The following TTLL6 variants were observed in gnomAD, a reference collection of about 807,000 sequenced individuals.
TTLL6 encodes tubulin polyglutamylase TTLL6.
Under a neutral mutation model 96.4 loss-of-function variants are expected in TTLL6, and 75 were observed. That is an observed-to-expected ratio of 0.78 (90% CI 0.65 to 0.94). TTLL6 has a LOEUF of 0.94. Ranked by LOEUF, TTLL6 falls within the 40% of genes least tolerant of loss-of-function variation. The pLI, the probability that TTLL6 is intolerant of heterozygous loss-of-function variation, is 0.00. For missense variants in TTLL6, 1,030 were observed against 1,093.0 expected, an observed-to-expected ratio of 0.94 and a Z score of 0.81; for synonymous variants, 411 against 419.4, an observed-to-expected ratio of 0.98 and a Z score of 0.24.
In TTLL6 at chr17:48,816,967, T is replaced by G; in HGVS notation, c.103+3A>C. On this transcript the variant is annotated splice_donor_region_variant and intron_variant, in intron 1 of 15. Coordinates refer to ENST00000393382, the MANE Select transcript of TTLL6 (RefSeq NM_001130918.3). ...CCAGCACCGGGCTTTGGGGCGCTCT[T>G]ACCCGCAATTCCTACTCCCCCGTCT... 6.5e-7 allele frequency: 1 copy of G among 1,530,778 alleles called. No individual in the cohort carries two copies. The highest frequency in any genetic ancestry group is 8.8e-7 in the Non-Finnish European group (1 of 1,141,030). 94.8% of individuals were successfully genotyped at this position (1,530,778 alleles called of 1,614,324 possible). A position where few individuals can be genotyped will look rare whatever the true frequency, so the allele number is the denominator to read the frequency against.
chr17:48,813,764 G>A (rs2039626440), intron 1 of TTLL6, among the ~76,000 whole-genome samples: 1 of 151,894 alleles, frequency 6.6e-6, no homozygotes, highest in Non-Finnish European at 1.5e-5. Context: ...ATTGTACCAG[G>A]GCTCCTATTA....
chr17:48,802,957 G>T (rs1217968375), intron 3 of TTLL6, among the ~76,000 whole-genome samples: 1 of 152,042 alleles, frequency 6.6e-6, no homozygotes. Flanking sequence ...ATCACCTCAG[G>T]TTGGGAGCCC....
chr17:48,817,205 G>T lies in TTLL6; in HGVS notation c.-133C>A, dbSNP rs560933521. 1.7e-6 allele frequency: 1 copy of T among 572,282 alleles called. No individual in the cohort carries two copies. Among genetic ancestry groups the T allele is most frequent in the East Asian group, 3.5e-5 (1 of 28,942 alleles). The allele number at this position is 572,282 out of a possible 1,614,324, so 35.5% of individuals were successfully genotyped here. On this transcript the variant is annotated 5_prime_UTR_variant, in exon 1 of 16. Coordinates refer to ENST00000393382, the MANE Select transcript of TTLL6 (RefSeq NM_001130918.3). ...GTAGCTGCCATGCCCCCTCCCTCCC[G>T]AATCCAATTAACCGCCCAGGCGCTA...
chr17:48,790,205 T>G (rs1302927339), intron 9 of TTLL6, 99 bp from the exon 10 acceptor site: 2 of 1,276,710 alleles, frequency 1.6e-6, no homozygotes, highest in Non-Finnish European at 2.2e-6. Context: ...AAAGCCCACC[T>G]CAGGGCCCTC....
Position 48,769,794 on chromosome 17 carries a change from G to A in TTLL6, c.2344C>T (p.Leu782=). 1 of 1,614,246 alleles carries A rather than the reference G, an allele frequency of 6.2e-7. No homozygotes were observed. Among genetic ancestry groups the A allele is most frequent in the Non-Finnish European group, 8.5e-7 (1 of 1,180,042 alleles). ...GGGAAGAAGGAGAGCTTCCCACTCAGTTGAAGCTTGGTGAGTAGCTCGGAT... is the reference window on the plus strand; with the variant it reads ...GGGAAGAAGGAGAGCTTCCCACTCAATTGAAGCTTGGTGAGTAGCTCGGAT... The part of the protein sequence containing the change: ...LISELLTKLQ[L]SGKLSFFPAH... The change falls in exon 14 of 16, where the codon CTG becomes TTG. Residue 782 remains leucine (L), a synonymous_variant. Coordinates refer to ENST00000393382, the MANE Select transcript of TTLL6 (RefSeq NM_001130918.3).
intron 13 of TTLL6, among the ~76,000 whole-genome samples, chr17:48,781,296 C>T (rs915098876): frequency 5.3e-5 from 8 of 152,232 alleles, no homozygotes; most frequent in Non-Finnish European, 1.2e-4. Flanking sequence ...ATCTGTCTGC[C>T]TCAGCGTCCC....
At chr17:48,774,230 GTTGTTTTTTTTTT>G (rs1448886255) in intron 13 of TTLL6, among the ~76,000 whole-genome samples, 1 of 117,742 alleles carries the variant, frequency 8.5e-6, no homozygotes, top group Non-Finnish European at 1.7e-5. Context: ...ATCCAGGTTT[GTTGTTTTTTTTTT>G]TTTTTTTTTG....
At position 48,784,987 on chromosome 17, in the gene TTLL6, T is replaced by A. The variant is rs758222347; in HGVS notation, c.1976A>T (p.Lys659Ile). The A allele has an allele frequency of 2.5e-6, 4 of 1,614,086 alleles. No individual in the cohort carries two copies. In the East Asian group the frequency reaches 6.7e-5, roughly 27 times the overall value. ...NLSSSKLEPS[K>I]PNFSIKEAKS... ...GGCCTCCTTGATGCTGAAGTTGGGT[T>A]TACTGGGCTCCAACTTCGAGCTGCT... is the stretch of plus-strand genomic sequence containing the variant. Residue 659 changes from lysine (K) to isoleucine (I), a missense_variant, in exon 13 of 16, where the codon AAA (lysine) becomes ATA (isoleucine). Transcript: ENST00000393382.
At chr17:48,767,987 G>T (rs539563449) in intron 15 of TTLL6, among the ~76,000 whole-genome samples, 2 of 152,244 alleles carry the variant, frequency 1.3e-5, no homozygotes, top group South Asian at 4.1e-4. Context: ...TTCTACTTCT[G>T]GGATCTCCAT....
intron 10 of TTLL6, among the ~76,000 whole-genome samples, chr17:48,788,417 A>G (rs1356883937): frequency 2.6e-5 from 4 of 152,214 alleles, no homozygotes; most frequent in African/African-American, 4.8e-5. Flanking sequence ...ACGAGCTGCA[A>G]TGATCTCATT....
chr17:48,787,988 G>T lies in TTLL6; in HGVS notation c.1412C>A (p.Ala471Asp), dbSNP rs375466047. The T allele has an allele frequency of 1.7e-5, 27 of 1,613,776 alleles. No homozygotes were observed. Among genetic ancestry groups the T allele is most frequent in the South Asian group, 1.5e-4 (14 of 90,954 alleles). ...CCSREMRIEE[A>D]KGFRAVQLKK... is the part of the protein sequence containing the mutation. ...TAACTGCACGGCCCGGAAACCCTTG[G>T]CTTCCTCAATCCTGTTGGGAAGCAG... The change falls in exon 11 of 16, where the codon GCC becomes GAC. Residue 471 changes from alanine (A) to aspartate (D), a missense_variant. Transcript: ENST00000393382.
rs1214802467 is a variant in TTLL6, at chr17:48,762,296, G to C, written c.*678C>G. 1.3e-5 allele frequency: 2 copies of C among 152,148 alleles called. No homozygotes were observed. Among genetic ancestry groups the C allele is most frequent in the African/African-American group, 4.8e-5 (2 of 41,426 alleles). 9.4% of individuals were successfully genotyped at this position (152,148 alleles called of 1,614,324 possible). A position where few individuals can be genotyped will look rare whatever the true frequency, so the allele number is the denominator to read the frequency against. On this transcript the variant is annotated 3_prime_UTR_variant, in exon 16 of 16. Coordinates refer to ENST00000393382, the MANE Select transcript of TTLL6 (RefSeq NM_001130918.3). ...CCTGAAGGGAAAGTGTAACATTTCT[G>C]CAGGCTGATAGAAGAAGCATCTTCA...
intron 9 of TTLL6, 21 bp downstream of exon 9, chr17:48,791,357 C>T (rs375067712): frequency 1.4e-4 from 233 of 1,608,288 alleles, no homozygotes; most frequent in Non-Finnish European, 1.9e-4. Context: ...TCGTTTTCGC[C>T]CCTCGCCCAA....
chr17:48,801,741 C>CA (rs1321571258), intron 3 of TTLL6, 98 bp from the exon 4 acceptor site: 3 of 980,192 alleles, frequency 3.1e-6, no homozygotes, highest in African/African-American at 3.3e-5. Context: ...AGTACTGAAG[C>CA]AAAAAATCTC....
Position 48,769,124 on chromosome 17 carries a change from C to T in TTLL6, c.2541G>A (p.Val847=). Residue 847 remains valine, a synonymous_variant, in exon 15 of 16, where the codon GTG becomes GTA. Transcript: ENST00000393382. ...SYNVTLRDLL[V]IATPAQLDPR... is the part of the protein sequence containing the mutation. ...GATCCAGTTGGGCTGGAGTGGCAATCACCAGCAGGTCCCTCAGAGTAACAT... is the reference window on the plus strand; with the variant it reads ...GATCCAGTTGGGCTGGAGTGGCAATTACCAGCAGGTCCCTCAGAGTAACAT... 1.9e-6 allele frequency: 3 copies of T among 1,614,196 alleles called. No homozygotes were observed. The highest frequency in any genetic ancestry group is 2.5e-6 in the Non-Finnish European group (3 of 1,180,028).
At chr17:48,775,604 C>T (rs565142449) in intron 13 of TTLL6, among the ~76,000 whole-genome samples, 45 of 151,662 alleles carry the variant, frequency 3.0e-4, no homozygotes, top group South Asian at 2.1e-4. Flanking sequence ...TGCAATGGCA[C>T]GATCTTGGCT....
intron 13 of TTLL6, among the ~76,000 whole-genome samples, chr17:48,776,016 C>T (rs2038863290): frequency 6.6e-6 from 1 of 152,146 alleles, no homozygotes; most frequent in Non-Finnish European, 1.5e-5. Flanking sequence ...TGTTTCCACC[C>T]CTATTCAACG....
At position 48,817,022 on chromosome 17, in the gene TTLL6, A is replaced by G; in HGVS notation, c.51T>C (p.Val17=). 1 of 1,544,352 alleles carries G rather than the reference A, an allele frequency of 6.5e-7. No individual in the cohort carries two copies. Residue 17 remains valine (V), a synonymous_variant, in exon 1 of 16, where the codon GTT becomes GTC. Coordinates refer to ENST00000393382, the MANE Select transcript of TTLL6 (RefSeq NM_001130918.3). The part of the protein sequence containing the change: ...HPSRRGPAGV[V]ASWTSSPAGR... ...CCGCTGGGCTGCTAGTCCAGCTTGC[A>G]ACCACACCTGCCGGCCCCCTCCTCG... is the stretch of plus-strand genomic sequence containing the variant.
intron 13 of TTLL6, among the ~76,000 whole-genome samples, chr17:48,775,032 G>T (rs1470479570): frequency 6.6e-6 from 1 of 151,912 alleles, no homozygotes; most frequent in Non-Finnish European, 1.5e-5. Context: ...AACTCAGGAG[G>T]CTGGGGCAGG....
Sources: allele counts gnomAD v4.1 joint callset (sites outside exome capture counted in the v4.1 genomes callset), GRCh38; gene constraint gnomAD v4.1.1; transcripts MANE v1.5; gene names NCBI Gene and HGNC (gene_info 2026-07-23, HGNC 2026-07-21).